Variants in PPTC7 observed in about 807,000 individuals in gnomAD.
PPTC7 encodes protein phosphatase targeting COQ7, also known as protein phosphatase PTC7 homolog.
Under a neutral mutation model 30.8 loss-of-function variants are expected in PPTC7, and 6 were observed. That is an observed-to-expected ratio of 0.19 (90% CI 0.11 to 0.38). The LOEUF is 0.38. Ranked by LOEUF, PPTC7 falls within the 10% of genes least tolerant of loss-of-function variation. PPTC7 has a pLI of 1.00. For synonymous variants in PPTC7, 163 were observed against 168.1 expected, an observed-to-expected ratio of 0.97 and a Z score of 0.23; for missense variants, 218 against 404.8, an observed-to-expected ratio of 0.54 and a Z score of 3.96.
chr12:110,560,070 T>C (rs954753425), intron 1 of PPTC7, among the ~76,000 whole-genome samples: 1 of 152,166 alleles, frequency 6.6e-6, no homozygotes, highest in Non-Finnish European at 1.5e-5. Context: ...CTAATTAACA[T>C]GTTTTTGTCT....
At position 110,533,688 on chromosome 12, in the gene PPTC7, T is replaced by G. The variant is rs1449448735; in HGVS notation, c.*3349A>C. On this transcript the variant is annotated 3_prime_UTR_variant, in exon 6 of 6. Transcript: ENST00000354300. Reference sequence around the variant, plus strand: ...AGCTTCTACCAAAGATAGCTGGTATTAAGGTGACCTAAAGAACCATGAACT... The same window carrying G: ...AGCTTCTACCAAAGATAGCTGGTATGAAGGTGACCTAAAGAACCATGAACT... 5 of 152,206 alleles carry G rather than the reference T, an allele frequency of 3.3e-5. No individual in the cohort carries two copies. The highest frequency in any genetic ancestry group is 3.3e-4 in the Admixed American group (5 of 15,278). The allele number at this position is 152,206 out of a possible 1,614,324, so 9.4% of individuals were successfully genotyped here. A position where few individuals can be genotyped will look rare whatever the true frequency, so the allele number is the denominator to read the frequency against.
chr12:110,541,395 A>C (rs1375734558), intron 3 of PPTC7, among the ~76,000 whole-genome samples: 1 of 150,824 alleles, frequency 6.6e-6, no homozygotes, highest in Non-Finnish European at 1.5e-5. Flanking sequence ...TCTCAAAGAA[A>C]AAGAAAAAGG....
intron 1 of PPTC7, among the ~76,000 whole-genome samples, chr12:110,574,307 C>G (rs1179976211): frequency 6.6e-6 from 1 of 152,004 alleles, no homozygotes; most frequent in African/African-American, 2.4e-5. Flanking sequence ...ATAAGAGCAG[C>G]AGCTTCGTAG....
At chr12:110,559,491 C>T (rs900675110) in intron 1 of PPTC7, among the ~76,000 whole-genome samples, 19 of 151,038 alleles carry the variant, frequency 1.3e-4, no homozygotes, top group Non-Finnish European at 2.1e-4. Context: ...TTTGGGAGGC[C>T]GAGGTGGGCA....
rs866643419 is a variant in PPTC7, at chr12:110,534,178, T to C, written c.*2859A>G. The stretch of plus-strand genomic sequence containing the variant: ...AAGTTCATAGGAAGAAATAAGGTTC[T>C]GATATGTTTAGAGTGCACATTTTAA... On this transcript the variant is annotated 3_prime_UTR_variant, in exon 6 of 6. Transcript: ENST00000354300. The C allele has an allele frequency of 2.0e-5, 3 of 152,104 alleles. No homozygotes were observed. Among genetic ancestry groups the C allele is most frequent in the Non-Finnish European group, 2.9e-5 (2 of 68,026 alleles). The allele number at this position is 152,104 out of a possible 1,614,324, so 9.4% of individuals were successfully genotyped here.
chr12:110,543,376 G>A (rs934330141), intron 3 of PPTC7, among the ~76,000 whole-genome samples: 3 of 151,202 alleles, frequency 2.0e-5, no homozygotes, highest in Non-Finnish European at 2.9e-5. Flanking sequence ...TGTAAGTTAA[G>A]GTTAAAATAA....
chr12:110,540,540 C>G (rs950648818), intron 3 of PPTC7, among the ~76,000 whole-genome samples: 4 of 151,978 alleles, frequency 2.6e-5, no homozygotes, highest in Non-Finnish European at 4.4e-5. Flanking sequence ...TTAGTAGAGA[C>G]AGGGTTTTGC....
intron 4 of PPTC7, 116 bp downstream of exon 4, chr12:110,539,706 G>A: frequency 2.0e-6 from 2 of 987,184 alleles, no homozygotes; most frequent in Non-Finnish European, 2.9e-6. Context: ...TTATTTTCCT[G>A]AAATTCACAA....
chr12:110,580,286 T>C (rs2135800535), intron 1 of PPTC7, among the ~76,000 whole-genome samples: 1 of 152,166 alleles, frequency 6.6e-6, no homozygotes, highest in South Asian at 2.1e-4. Flanking sequence ...TTGACCAAAA[T>C]CCCCCCAATT....
intron 3 of PPTC7, among the ~76,000 whole-genome samples, chr12:110,545,155 C>T (rs766058274): frequency 6.6e-6 from 1 of 151,890 alleles, no homozygotes; most frequent in Non-Finnish European, 1.5e-5. Context: ...TGCAGTGGCG[C>T]AATCTCGGCT....
At position 110,537,029 on chromosome 12, in the gene PPTC7, C is replaced by T. The variant is rs1328179702; in HGVS notation, c.*8G>A. On this transcript the variant is annotated 3_prime_UTR_variant, in exon 6 of 6. Transcript: ENST00000354300. ...TGATGAAAGGAAAGGCAGGACTTGA[C>T]ACCTCAGCTAGTCTGTATACTCAGC... The T allele has an allele frequency of 6.2e-7, 1 of 1,608,944 alleles. No individual in the cohort carries two copies. The highest frequency in any genetic ancestry group is 1.3e-5 in the African/African-American group (1 of 74,820).
intron 1 of PPTC7, among the ~76,000 whole-genome samples, chr12:110,565,057 G>A (rs1436515989): frequency 6.6e-6 from 1 of 150,790 alleles, no homozygotes; most frequent in Admixed American, 6.6e-5. Context: ...TGAATTTTTA[G>A]TAGAGACGGG....
chr12:110,557,115 T>C (rs1478392283), intron 1 of PPTC7, among the ~76,000 whole-genome samples: 1 of 152,186 alleles, frequency 6.6e-6, no homozygotes, highest in Non-Finnish European at 1.5e-5. Flanking sequence ...TTCTTTATGC[T>C]ACTGACCTGT....
rs991135714 is a variant in PPTC7 at position 110,577,396 on chromosome 12, T to G, written c.223+5413A>C. Among the ~76,000 whole-genome samples, 5 of 152,208 alleles carry G rather than the reference T, an allele frequency of 3.3e-5. No homozygotes were observed. In the East Asian group the frequency reaches 9.6e-4, roughly 29 times the overall value. On this transcript the variant is annotated intron_variant, in intron 1 of 5. Coordinates refer to ENST00000354300, the MANE Select transcript of PPTC7 (RefSeq NM_139283.2). ...GAGGAAAATTCCAACAAGGACTTCT[T>G]GAAAGACTGAAGTCAGTGGGTGCAC...
In PPTC7 at chr12:110,582,792, C is replaced by G. The variant is rs749705904; in HGVS notation, c.223+17G>C. On this transcript the variant is annotated intron_variant, in intron 1 of 5. Coordinates refer to ENST00000354300, the MANE Select transcript of PPTC7 (RefSeq NM_139283.2). ...CGGATCCGAGGCTGGGGCAAGGGAA[C>G]CGGGTCGGGGACTCACCGAGCACGT... 2 of 1,540,542 alleles carry G rather than the reference C, an allele frequency of 1.3e-6. No individual in the cohort carries two copies.
chr12:110,543,732 T>C (rs375547969), intron 3 of PPTC7, among the ~76,000 whole-genome samples: 5 of 152,222 alleles, frequency 3.3e-5, no homozygotes, highest in South Asian at 4.1e-4. Flanking sequence ...AGCTGCAGTT[T>C]TGCCCATTTT....
intron 1 of PPTC7, among the ~76,000 whole-genome samples, chr12:110,560,994 C>A (rs893656660): frequency 1.3e-5 from 2 of 152,118 alleles, no homozygotes; most frequent in Non-Finnish European, 2.9e-5. Context: ...AAGAATCTGG[C>A]AGGATCACAA....
intron 1 of PPTC7, among the ~76,000 whole-genome samples, chr12:110,582,370 AGCCT>A (rs1227599522): frequency 2.0e-5 from 3 of 152,176 alleles, no homozygotes; most frequent in Non-Finnish European, 4.4e-5. Context: ...GCGATCCCGC[AGCCT>A]GGGCCGGGCT....
chr12:110,582,017 T>C (rs1435169514), intron 1 of PPTC7, among the ~76,000 whole-genome samples: 1 of 152,176 alleles, frequency 6.6e-6, no homozygotes, highest in African/African-American at 2.4e-5. Context: ...ATTTAGCCCT[T>C]TCTGCCAGCT....
Sources: gnomAD v4.1 joint callset for allele counts (sites outside exome capture counted in the v4.1 genomes callset) on GRCh38, gnomAD v4.1.1 for gene constraint, MANE v1.5 for transcripts, NCBI Gene and HGNC (gene_info 2026-07-23, HGNC 2026-07-21) for gene names.